The following ADAM22 variants were observed in gnomAD, a reference collection of about 807,000 sequenced individuals.
The protein encoded by ADAM22 is disintegrin and metalloproteinase domain-containing protein 22.
In ADAM22, 65 loss-of-function variants were observed where a neutral mutation model predicts 144.6. The observed-to-expected ratio is 0.45, with a 90% confidence interval of 0.37 to 0.55. The LOEUF is 0.55. Ranked by LOEUF, ADAM22 falls within the 20% of genes least tolerant of loss-of-function variation. The pLI is 0.00. For missense variants in ADAM22, 974 were observed against 1,184.9 expected (o/e 0.82, Z 2.61); for synonymous variants, 391 against 412.6 (o/e 0.95, Z 0.63).
At chr7:88,119,756 T>C (rs1486385051) in intron 7 of ADAM22, among the ~76,000 whole-genome samples, 1 of 152,218 alleles carries the variant, frequency 6.6e-6, no homozygotes. Context: ...CCCAGAGTGC[T>C]GGGATTACTG....
chr7:88,115,782 A>G (rs1029554775), intron 6 of ADAM22, among the ~76,000 whole-genome samples: 5 of 152,066 alleles, frequency 3.3e-5, no homozygotes, highest in African/African-American at 7.2e-5. Flanking sequence ...ATTTTTCTCT[A>G]TTGTCTATTG....
chr7:88,035,443 A>G (rs1312895476), intron 3 of ADAM22, among the ~76,000 whole-genome samples: 6 of 152,200 alleles, frequency 3.9e-5, no homozygotes, highest in Non-Finnish European at 8.8e-5. Context: ...GAGTAAGCAG[A>G]TAAGGTTGCT....
intron 3 of ADAM22, among the ~76,000 whole-genome samples, chr7:88,008,023 A>G (rs1794394216): frequency 6.6e-6 from 1 of 152,242 alleles, no homozygotes; most frequent in Admixed American, 6.5e-5. Context: ...TAATATCCAG[A>G]ATCTACAACG....
intron 4 of ADAM22, among the ~76,000 whole-genome samples, chr7:88,082,867 G>A (rs970838291): frequency 3.3e-5 from 5 of 152,108 alleles, no homozygotes; most frequent in Non-Finnish European, 5.9e-5. Flanking sequence ...TGGAGAAATA[G>A]GAACACTTTT....
chr7:88,127,448 C>T (rs1830678011), intron 8 of ADAM22, among the ~76,000 whole-genome samples: 1 of 151,948 alleles, frequency 6.6e-6, no homozygotes, highest in South Asian at 2.1e-4. Context: ...AGCAAAGCAG[C>T]TCCTGTTGCC....
chr7:87,952,585 A>G (rs1845531856), intron 2 of ADAM22, among the ~76,000 whole-genome samples: 1 of 151,942 alleles, frequency 6.6e-6, no homozygotes, highest in African/African-American at 2.4e-5. Context: ...TTCATCAAGG[A>G]TATTGGTCTA....
chr7:88,082,671 T>G (rs1440122922), intron 4 of ADAM22, among the ~76,000 whole-genome samples: 16 of 152,008 alleles, frequency 1.1e-4, no homozygotes, highest in African/African-American at 3.1e-4. Flanking sequence ...TCAAAAAGTT[T>G]GCAAAGGATA....
At chr7:87,944,176 T>G (rs1843005979) in intron 2 of ADAM22, among the ~76,000 whole-genome samples, 1 of 152,090 alleles carries the variant, frequency 6.6e-6, no homozygotes, top group South Asian at 2.1e-4. Flanking sequence ...GTAGGTTTGT[T>G]TCGGAGGAAT....
At chr7:87,952,632 G>A (rs2131422731) in intron 2 of ADAM22, among the ~76,000 whole-genome samples, 1 of 152,002 alleles carries the variant, frequency 6.6e-6, no homozygotes, top group South Asian at 2.1e-4. Flanking sequence ...GCCTGGCTTT[G>A]GTATCAGGAT....
intron 3 of ADAM22, among the ~76,000 whole-genome samples, chr7:88,017,550 C>G (rs925738832): frequency 2.0e-5 from 3 of 152,032 alleles, no homozygotes; most frequent in African/African-American, 7.2e-5. Context: ...AGTTTGTTTT[C>G]ACCTAGGGCT....
At chr7:88,114,795 G>A (rs186195402) in intron 6 of ADAM22, 148 bp downstream of exon 6, 2 of 680,638 alleles carry the variant, frequency 2.9e-6, no homozygotes, top group African/African-American at 3.6e-5. Context: ...CTCAACTTAT[G>A]ATGGGTCTAT....
At chr7:88,043,504 A>G (rs1168994374) in intron 3 of ADAM22, among the ~76,000 whole-genome samples, 1 of 151,426 alleles carries the variant, frequency 6.6e-6, no homozygotes, top group Admixed American at 6.6e-5. Flanking sequence ...AAAAAAAAGA[A>G]TATTCTACTT....
At chr7:88,193,261 G>A (rs375475706) in intron 31 of ADAM22, 22 bp downstream of exon 31, 28 of 1,611,200 alleles carry the variant, frequency 1.7e-5, no homozygotes, top group Non-Finnish European at 2.4e-5. Flanking sequence ...CCTCTTCCAT[G>A]TGCGTACATG....
At position 88,094,775 on chromosome 7, in the gene ADAM22, T is replaced by TA. The variant is rs1030700605; in HGVS notation, c.391-13393dup. Among the ~76,000 whole-genome samples, 24 of 152,066 alleles carry TA rather than the reference T, an allele frequency of 1.6e-4. No individual in the cohort carries two copies. In the South Asian group the frequency reaches 1.7e-3, roughly 11 times the overall value. On this transcript the variant is annotated intron_variant, in intron 4 of 31. Coordinates refer to ENST00000413139, the MANE Select transcript of ADAM22 (RefSeq NM_001324418.2). ...AAGTCCTGCTGTCTTTCTGATTAAATAAAAAAAATAAACTTCTTGAATTGT... is the reference window on the plus strand; with the variant it reads ...AAGTCCTGCTGTCTTTCTGATTAAATAAAAAAAAATAAACTTCTTGAATTGT...
intron 29 of ADAM22, among the ~76,000 whole-genome samples, chr7:88,184,782 G>A (rs1847909512): frequency 6.6e-6 from 1 of 152,140 alleles, no homozygotes; most frequent in South Asian, 2.1e-4. Context: ...GTTGTTTTCA[G>A]TGAAGAACTC....
chr7:88,119,866 C>T (rs866330364), intron 7 of ADAM22, among the ~76,000 whole-genome samples: 2 of 152,178 alleles, frequency 1.3e-5, no homozygotes, highest in Admixed American at 1.3e-4. Flanking sequence ...AGAAAAGCAA[C>T]TATGCACGTT....
At chr7:88,070,565 T>C (rs1585419766) in intron 3 of ADAM22, among the ~76,000 whole-genome samples, 2 of 152,230 alleles carry the variant, frequency 1.3e-5, no homozygotes, top group Admixed American at 1.3e-4. Flanking sequence ...TTGCTTCTTA[T>C]GCAAGCATCA....
chr7:88,145,601 T>C, intron 17 of ADAM22, 94 bp downstream of exon 17: 1 of 970,266 alleles, frequency 1.0e-6, no homozygotes, highest in Admixed American at 2.2e-5. Context: ...ACAGAAATAG[T>C]ATCTAACATA....
At position 88,155,919 on chromosome 7, in the gene ADAM22, A is replaced by G; in HGVS notation, c.1820A>G (p.Asn607Ser). The G allele has an allele frequency of 1.2e-6, 2 of 1,613,384 alleles. No homozygotes were observed. The highest frequency in any genetic ancestry group is 1.7e-4 in the Middle Eastern group (1 of 6,052). The change falls in exon 22 of 32, where the codon AAT becomes AGT. Residue 607 changes from asparagine (N) to serine (S), a missense_variant. Transcript: ENST00000413139. ...CTTTGTGGTTACCTTTTGTGTACCA[A>G]TATTGGCAATATCCCAAGGCTTGGA... ...DVLCGYLLCTNIGNIPRLGEL... is the reference protein window; with the variant it reads ...DVLCGYLLCTSIGNIPRLGEL...
Sources: gnomAD v4.1 joint callset for allele counts (sites outside exome capture counted in the v4.1 genomes callset) on GRCh38, gnomAD v4.1.1 for gene constraint, MANE v1.5 for transcripts, NCBI Gene and HGNC (gene_info 2026-07-23, HGNC 2026-07-21) for gene names.